POSTN: variants seen among roughly 807,000 people sequenced by gnomAD.
The protein encoded by POSTN is osteoblast specific factor 2 (fasciclin I-like).
In POSTN, 71 loss-of-function variants were observed where a neutral mutation model predicts 104.5. The ratio of observed to expected loss-of-function variants is 0.68; its 90% confidence interval spans 0.56 to 0.83. The LOEUF (loss-of-function observed/expected upper bound fraction) is 0.83, where lower values mean the gene tolerates loss of function less well. Ranked by LOEUF, POSTN falls within the 40% of genes least tolerant of loss-of-function variation. POSTN has a pLI of 0.00. For synonymous variants in POSTN, 355 were observed against 340.7 expected (o/e 1.04, Z -0.46); for missense variants, 949 against 1,006.8 (o/e 0.94, Z 0.78).
intron 2 of POSTN, among the ~76,000 whole-genome samples, chr13:37,594,847 G>A (rs1201679394): frequency 6.6e-6 from 1 of 152,092 alleles, no homozygotes; most frequent in Non-Finnish European, 1.5e-5. Context: ...CAAGCAGATG[G>A]CAGACCAGTC....
At chr13:37,586,979 C>T in intron 5 of POSTN, 51 bp from the exon 6 acceptor site, 1 of 1,548,718 alleles carries the variant, frequency 6.5e-7, no homozygotes, top group Non-Finnish European at 8.9e-7. Flanking sequence ...TACCCATTGA[C>T]CACTGAGACT....
At chr13:37,575,765 A>T (rs1430233745) in intron 16 of POSTN, among the ~76,000 whole-genome samples, 1 of 152,106 alleles carries the variant, frequency 6.6e-6, no homozygotes, top group African/African-American at 2.4e-5. Flanking sequence ...GTGGGTTCTT[A>T]GCCTTCATAG....
At chr13:37,573,946 T>C (rs1225286980) in intron 17 of POSTN, among the ~76,000 whole-genome samples, 1 of 150,576 alleles carries the variant, frequency 6.6e-6, no homozygotes, top group Non-Finnish European at 1.5e-5. Context: ...GTCTGTATTA[T>C]ATATATCTCA....
chr13:37,574,200 A>G (rs1465675624), intron 17 of POSTN, among the ~76,000 whole-genome samples: 2 of 151,590 alleles, frequency 1.3e-5, no homozygotes, highest in Non-Finnish European at 3.0e-5. Flanking sequence ...CACTGTTATA[A>G]GAAAGAACAT....
At chr13:37,576,402 G>T (rs564805836) in intron 16 of POSTN, among the ~76,000 whole-genome samples, 1 of 152,124 alleles carries the variant, frequency 6.6e-6, no homozygotes, top group Non-Finnish European at 1.5e-5. Flanking sequence ...AGGCCTCTGG[G>T]TAGGTAGGGA....
At chr13:37,568,442 T>G (rs1418376451) in intron 21 of POSTN, among the ~76,000 whole-genome samples, 3 of 152,080 alleles carry the variant, frequency 2.0e-5, no homozygotes, top group Admixed American at 2.0e-4. Flanking sequence ...GGACTGTGTT[T>G]TGGATAAACA....
intron 17 of POSTN, 52 bp downstream of exon 17, chr13:37,574,520 T>G: frequency 6.5e-7 from 1 of 1,536,296 alleles, no homozygotes; most frequent in Non-Finnish European, 8.7e-7. Flanking sequence ...AGATCAGTAT[T>G]TTTACAGATG....
At chr13:37,586,118 G>A in intron 7 of POSTN, 21 bp downstream of exon 7, 1 of 1,599,870 alleles carries the variant, frequency 6.3e-7, no homozygotes, top group Non-Finnish European at 8.5e-7. Flanking sequence ...AGACTCCTTA[G>A]AGATGAAGAC....
At chr13:37,564,640 G>C in intron 21 of POSTN, 80 bp from the exon 22 acceptor site, 1 of 764,826 alleles carries the variant, frequency 1.3e-6, no homozygotes. Flanking sequence ...AAACAGAACA[G>C]TGTAAAGTCT....
chr13:37,598,521 C>A, intron 1 of POSTN, 87 bp downstream of exon 1: 2 of 1,205,450 alleles, frequency 1.7e-6, no homozygotes, highest in Non-Finnish European at 1.2e-6. Flanking sequence ...AACCCTGAGG[C>A]ATATATGAGA....
In POSTN at chr13:37,597,291, T is replaced by C. The variant is rs550943385; in HGVS notation, c.120-9A>G. On this transcript the variant is annotated splice_polypyrimidine_tract_variant and intron_variant, in intron 1 of 22. Transcript: ENST00000379747. ...GGGCACAGACATTTGGGCTGGAGGA[T>C]AGAGGGAAAGGAAAAAAGTTAATGT... 5 of 1,557,782 alleles carry C rather than the reference T, an allele frequency of 3.2e-6. No homozygotes were observed. The highest frequency in any genetic ancestry group is 1.4e-5 in the African/African-American group (1 of 71,200).
intron 2 of POSTN, among the ~76,000 whole-genome samples, chr13:37,593,149 G>A (rs1161604412): frequency 6.6e-6 from 1 of 150,840 alleles, no homozygotes; most frequent in Non-Finnish European, 1.5e-5. Context: ...AAGTTCTATA[G>A]GCAATAATTA....
rs1033962252 is a variant in POSTN at position 37,578,196 on chromosome 13, C to T, written c.1963-398G>A. ...GCAGTGAAAGTATTGAATGATACAA[C>T]GATTTTAGTCATTTATGTACCATTT... is the stretch of plus-strand genomic sequence containing the variant. On this transcript the variant is annotated intron_variant, in intron 15 of 22. Transcript: ENST00000379747. 9.9e-5 allele frequency among the ~76,000 whole-genome samples: 15 copies of T among 152,072 alleles called. 1 individual carries two copies. The highest frequency in any genetic ancestry group is 2.1e-4 in the Non-Finnish European group (14 of 68,004).
chr13:37,590,383 TG>T lies in POSTN; in HGVS notation c.429del (p.Asp143GlufsTer15). The T allele has an allele frequency of 6.4e-7, 1 of 1,565,920 alleles. No individual in the cohort carries two copies. Among genetic ancestry groups the T allele is most frequent in the Non-Finnish European group, 8.7e-7 (1 of 1,155,966 alleles). ...AAATAATGAATTACAGAATCCAAGT[TG>T]TCCCAAGCCTCATTACTCGGTGCAA... Reference protein sequence around the residue: ...TYFAPSNEAWDNLDSDIRRGL... With the variant: ...TYFAPSNEAWXNLDSDIRRGL... On this transcript the variant is annotated frameshift_variant, in exon 4 of 23. Coordinates refer to ENST00000379747, the MANE Select transcript of POSTN (RefSeq NM_006475.3). LOFTEE classifies it high-confidence loss of function.
chr13:37,591,691 T>G (rs1948750892), intron 3 of POSTN, among the ~76,000 whole-genome samples: 1 of 152,244 alleles, frequency 6.6e-6, no homozygotes, highest in African/African-American at 2.4e-5. Flanking sequence ...GCTATTTTTT[T>G]TTTCTCTAGT....
rs532448928 is a variant in POSTN at position 37,567,325 on chromosome 13, T to C, written c.2431+1975A>G. ...AAAATTCAGTTTTAGGTAGAACTTA[T>C]TGAGTTGAAGAGCATGGTTCAGATA... On this transcript the variant is annotated intron_variant, in intron 21 of 22. Coordinates refer to ENST00000379747, the MANE Select transcript of POSTN (RefSeq NM_006475.3). 2.0e-5 allele frequency among the ~76,000 whole-genome samples: 3 copies of C among 151,552 alleles called. No homozygotes were observed. In the South Asian group the frequency reaches 6.3e-4, roughly 32 times the overall value.
chr13:37,574,806 G>A (rs932932011), intron 16 of POSTN, among the ~76,000 whole-genome samples, 154 bp from the exon 17 acceptor site: 12 of 151,592 alleles, frequency 7.9e-5, no homozygotes, highest in East Asian at 1.9e-4. Flanking sequence ...AATATTTATG[G>A]TACATAATAT....
At chr13:37,591,389 C>A (rs1950930258) in intron 3 of POSTN, among the ~76,000 whole-genome samples, 1 of 152,100 alleles carries the variant, frequency 6.6e-6, no homozygotes, top group Non-Finnish European at 1.5e-5. Context: ...TGCAAGGTGT[C>A]CCCAAATCAG....
At position 37,586,150 on chromosome 13, in the gene POSTN, A is replaced by T; in HGVS notation, c.884T>A (p.Val295Glu). 6.2e-7 allele frequency: 1 copy of T among 1,611,226 alleles called. No individual in the cohort carries two copies. Among genetic ancestry groups the T allele is most frequent in the Non-Finnish European group, 8.5e-7 (1 of 1,178,470 alleles). The change falls in exon 7 of 23, where the codon GTG becomes GAG. Residue 295 changes from valine to glutamate, a missense_variant. Coordinates refer to ENST00000379747, the MANE Select transcript of POSTN (RefSeq NM_006475.3). ...AGACATTAAACTACCTTCGGAAGCC[A>T]CTTTGTCTCCCATGATCCTTTCTAG... ...GVLERIMGDKVASEALMKYHI... is the reference protein window; with the variant it reads ...GVLERIMGDKEASEALMKYHI...
Sources: gnomAD v4.1 joint callset for allele counts (sites outside exome capture counted in the v4.1 genomes callset) on GRCh38, gnomAD v4.1.1 for gene constraint, MANE v1.5 for transcripts, NCBI Gene and HGNC (gene_info 2026-07-23, HGNC 2026-07-21) for gene names.